GRAMD1B: variants seen among roughly 807,000 people sequenced by gnomAD.
GRAMD1B encodes the protein GRAM domain containing 1B.
GRAMD1B carries 37 observed loss-of-function variants against 99.7 expected under a neutral mutation model. That is an observed-to-expected ratio of 0.37 (90% CI 0.29 to 0.49). The LOEUF is 0.49. Ranked by LOEUF, GRAMD1B falls within the 20% of genes least tolerant of loss-of-function variation. The pLI, the probability that GRAMD1B is intolerant of heterozygous loss-of-function variation, is 0.98. For synonymous variants in GRAMD1B, 427 were observed against 387.6 expected (o/e 1.10, Z -1.19); for missense variants, 888 against 1,009.2 (o/e 0.88, Z 1.63).
chr11:123,609,047 G>T (rs894400921), intron 12 of GRAMD1B, among the ~76,000 whole-genome samples: 1 of 151,878 alleles, frequency 6.6e-6, no homozygotes, highest in African/African-American at 2.4e-5. Context: ...GGCACTCGAT[G>T]CCGGCCCCTA....
chr11:123,493,211 C>T (rs1159444022), intron 2 of GRAMD1B, among the ~76,000 whole-genome samples: 2 of 152,196 alleles, frequency 1.3e-5, no homozygotes, highest in African/African-American at 2.4e-5. Context: ...TTTGCAAAAA[C>T]ATTTCATCCT....
At chr11:123,373,768 A>G (rs1422346256) in intron 1 of GRAMD1B, among the ~76,000 whole-genome samples, 1 of 152,216 alleles carries the variant, frequency 6.6e-6, no homozygotes, top group Non-Finnish European at 1.5e-5. Flanking sequence ...GCCTCCCTAG[A>G]ATAGGAGTTA....
chr11:123,519,134 G>A (rs1257211306), intron 2 of GRAMD1B, among the ~76,000 whole-genome samples: 1 of 152,212 alleles, frequency 6.6e-6, no homozygotes, highest in Non-Finnish European at 1.5e-5. Context: ...GCAGGGGTGT[G>A]CATAAGGGTA....
Position 123,555,086 on chromosome 11 carries a change from C to T in GRAMD1B, c.453-22281C>T, listed in dbSNP as rs140028606. 1.7e-3 allele frequency among the ~76,000 whole-genome samples: 258 copies of T among 152,292 alleles called. 2 individuals carry two copies. Among genetic ancestry groups the T allele is most frequent in the African/African-American group, 6.0e-3 (248 of 41,562 alleles). On this transcript the variant is annotated intron_variant, in intron 2 of 19. Coordinates refer to ENST00000635736, the MANE Select transcript of GRAMD1B (RefSeq NM_001387025.1). ...GCAGCCCCTTCTAGTGTCTCTCTAG[C>T]GCCCTCTACTGACAAGATATAACAT...
chr11:123,482,421 A>G (rs1355787190), intron 2 of GRAMD1B, among the ~76,000 whole-genome samples: 1 of 152,178 alleles, frequency 6.6e-6, no homozygotes, highest in African/African-American at 2.4e-5. Context: ...TGAAATGTCT[A>G]TGAAATGTGA....
chr11:123,435,676 TAATA>T (rs1949126209), intron 1 of GRAMD1B: 1 of 443,434 alleles, frequency 2.3e-6, no homozygotes, highest in African/African-American at 2.0e-5. Context: ...GTTGATGAGT[TAATA>T]ATGAGTAAAT....
At chr11:123,568,147 A>T (rs1947607314) in intron 2 of GRAMD1B, among the ~76,000 whole-genome samples, 1 of 152,148 alleles carries the variant, frequency 6.6e-6, no homozygotes, top group Non-Finnish European at 1.5e-5. Flanking sequence ...TTTATACAAG[A>T]CAGGGAAGGA....
At chr11:123,563,696 T>A (rs1198237270) in intron 2 of GRAMD1B, among the ~76,000 whole-genome samples, 6 of 152,092 alleles carry the variant, frequency 3.9e-5, no homozygotes, top group South Asian at 2.1e-4. Context: ...GAACATTTTT[T>A]AATTTTCTTA....
At chr11:123,358,437 C>T (rs948122999) in exon 1 of GRAMD1B, 1 of 152,180 alleles carries the variant, frequency 6.6e-6, no homozygotes, top group Admixed American at 6.5e-5. Context: ...GACACCTAGC[C>T]TCGGAGACAG....
At chr11:123,472,227 CA>C (rs35517773) in intron 1 of GRAMD1B, among the ~76,000 whole-genome samples, 19,508 of 123,276 alleles carry the variant, frequency 0.16, 1,424 homozygotes, top group Admixed American at 0.26. Flanking sequence ...GACTCTGTCT[CA>C]AAAAAAAAAA....
chr11:123,367,802 G>A (rs1946371317), intron 1 of GRAMD1B, among the ~76,000 whole-genome samples: 1 of 151,940 alleles, frequency 6.6e-6, no homozygotes, highest in Non-Finnish European at 1.5e-5. Flanking sequence ...CCAAAGTTAT[G>A]TCCAGATGCC....
chr11:123,370,337 C>CTTTTTTT (rs1163332610), intron 1 of GRAMD1B, among the ~76,000 whole-genome samples: 1 of 102,844 alleles, frequency 9.7e-6, no homozygotes, highest in African/African-American at 4.8e-5. Flanking sequence ...GAAGTTATCT[C>CTTTTTTT]TTTTTTTTTT....
intron 2 of GRAMD1B, among the ~76,000 whole-genome samples, chr11:123,539,183 A>ATG (rs1944263455): frequency 6.6e-6 from 1 of 152,130 alleles, no homozygotes; most frequent in Admixed American, 6.5e-5. Context: ...AACCATAATC[A>ATG]TGCTACTATA....
At chr11:123,467,862 T>C (rs200821285) in intron 1 of GRAMD1B, among the ~76,000 whole-genome samples, 35 of 81,146 alleles carry the variant, frequency 4.3e-4, no homozygotes, top group East Asian at 1.3e-3. Flanking sequence ...TTCCTTCCTT[T>C]CTTTCTTTCC....
At chr11:123,578,274 C>T (rs1332108139) in intron 3 of GRAMD1B, 5 of 680,844 alleles carry the variant, frequency 7.3e-6, no homozygotes, top group Non-Finnish European at 1.3e-5. Flanking sequence ...ACCCCCAGGG[C>T]CTGGGAAGGG....
At chr11:123,456,424 C>T (rs529956086) in intron 1 of GRAMD1B, among the ~76,000 whole-genome samples, 2 of 152,162 alleles carry the variant, frequency 1.3e-5, no homozygotes, top group African/African-American at 4.8e-5. Flanking sequence ...CTAAATACCT[C>T]TGTGACTTTA....
intron 2 of GRAMD1B, among the ~76,000 whole-genome samples, chr11:123,516,887 T>C (rs906116562): frequency 2.6e-5 from 4 of 152,200 alleles, no homozygotes; most frequent in African/African-American, 9.6e-5. Flanking sequence ...TCATTGTGAT[T>C]TGCTTGGGTC....
At chr11:123,585,810 G>A (rs148879507) in intron 4 of GRAMD1B, among the ~76,000 whole-genome samples, 4 of 152,310 alleles carry the variant, frequency 2.6e-5, no homozygotes, top group East Asian at 1.9e-4. Flanking sequence ...AGACATCTCC[G>A]TTTGGACAGG....
In GRAMD1B at chr11:123,492,304, C is replaced by G. The variant is rs1390678362; in HGVS notation, c.452+11411C>G. Among the ~76,000 whole-genome samples, 5 of 152,176 alleles carry G rather than the reference C, an allele frequency of 3.3e-5. No individual in the cohort carries two copies. The East Asian group carries it at 9.7e-4, about 30-fold the overall frequency. On this transcript the variant is annotated intron_variant, in intron 2 of 19. Transcript: ENST00000635736. This position sits in a 1 kb window ranked among gnomAD's most constrained non-coding sequence, Gnocchi z 4.2. ...AGTGTAGTCTGCCTGTGTAGCATCC[C>G]CTGGACAGGGGCGCTGGCGTCTCTG...
Sources: allele counts gnomAD v4.1 joint callset (sites outside exome capture counted in the v4.1 genomes callset), GRCh38; gene constraint gnomAD v4.1.1; non-coding constraint Gnocchi (gnomAD v3.1); transcripts MANE v1.5; gene names NCBI Gene and HGNC (gene_info 2026-07-23, HGNC 2026-07-21).